Variants in PPAT observed in about 807,000 individuals in gnomAD.
The protein encoded by PPAT is phosphoribosyl pyrophosphate amidotransferase.
PPAT carries 20 observed loss-of-function variants against 60.2 expected under a neutral mutation model. The ratio of observed to expected loss-of-function variants is 0.33; its 90% confidence interval spans 0.23 to 0.48. The LOEUF (loss-of-function observed/expected upper bound fraction) is 0.48, where lower values mean the gene tolerates loss of function less well. Ranked by LOEUF, PPAT falls within the 20% of genes least tolerant of loss-of-function variation. PPAT has a pLI of 0.99. For synonymous variants in PPAT, 194 were observed against 215.1 expected, an observed-to-expected ratio of 0.90 and a Z score of 0.86; for missense variants, 349 against 629.6, an observed-to-expected ratio of 0.55 and a Z score of 4.77.
intron 1 of PPAT, among the ~76,000 whole-genome samples, chr4:56,432,646 G>A (rs1272784809): frequency 2.2e-4 from 33 of 151,568 alleles, no homozygotes; most frequent in African/African-American, 6.1e-4. Context: ...TTAGCCGGGC[G>A]TGGTGGGGGG....
At chr4:56,406,184 G>T (rs1433114708) in intron 3 of PPAT, among the ~76,000 whole-genome samples, 3 of 152,164 alleles carry the variant, frequency 2.0e-5, no homozygotes, top group Non-Finnish European at 2.9e-5. Flanking sequence ...GAGTTAAAGA[G>T]ATAGCAAGTC....
intron 9 of PPAT, among the ~76,000 whole-genome samples, chr4:56,398,801 T>A (rs1475398785): frequency 1.3e-5 from 2 of 152,186 alleles, no homozygotes; most frequent in East Asian, 1.9e-4. Flanking sequence ...TTAGGTTTTT[T>A]AAAATTTAAT....
At chr4:56,433,892 A>C (rs1421686887) in intron 1 of PPAT, among the ~76,000 whole-genome samples, 1 of 152,060 alleles carries the variant, frequency 6.6e-6, no homozygotes, top group Non-Finnish European at 1.5e-5. Context: ...GGGTTTCACC[A>C]TGTTGGCCAG....
Position 56,396,982 on chromosome 4 carries a change from T to C in PPAT, c.1237-243A>G. 3.6e-6 allele frequency: 1 copy of C among 279,864 alleles called. No individual in the cohort carries two copies. Among genetic ancestry groups the C allele is most frequent in the Non-Finnish European group, 6.6e-6 (1 of 151,794 alleles). 17.3% of individuals were successfully genotyped at this position (279,864 alleles called of 1,614,324 possible). ...CATTCCTAGAGCCACTTTTCTCTTG[T>C]AATACCAGGTACTTCTGCTTATCCC... On this transcript the variant is annotated intron_variant, in intron 9 of 10. Transcript: ENST00000264220. The surrounding 1 kb of genome is among the most constrained non-coding windows in gnomAD (Gnocchi z 4.6).
chr4:56,399,248 A>G lies in PPAT; in HGVS notation c.1167T>C (p.Asp389=). ...NFKGKRIVLV[D]DSIVRGNTIS... Reference sequence around the variant, plus strand: ...TGGTATTGCCTCTGACAATTGAATCATCTACAAGAACAATTCTTTTGCCTT... The same window carrying G: ...TGGTATTGCCTCTGACAATTGAATCGTCTACAAGAACAATTCTTTTGCCTT... Residue 389 remains aspartate, a synonymous_variant, in exon 9 of 11, where the codon GAT becomes GAC. Transcript: ENST00000264220. 2 of 1,614,006 alleles carry G rather than the reference A, an allele frequency of 1.2e-6. No individual in the cohort carries two copies. Among genetic ancestry groups the G allele is most frequent in the East Asian group, 2.2e-5 (1 of 44,850 alleles).
rs1715873577 is a variant in PPAT, at chr4:56,393,425, CTTAGT to C, written c.*1922_*1926del. 1 of 151,682 alleles carries C rather than the reference CTTAGT, an allele frequency of 6.6e-6. No homozygotes were observed. The highest frequency in any genetic ancestry group is 2.1e-4 in the South Asian group (1 of 4,822). 9.4% of individuals were successfully genotyped at this position (151,682 alleles called of 1,614,324 possible). A position where few individuals can be genotyped will look rare whatever the true frequency, so the allele number is the denominator to read the frequency against. On this transcript the variant is annotated 3_prime_UTR_variant, in exon 11 of 11. Coordinates refer to ENST00000264220, the MANE Select transcript of PPAT (RefSeq NM_002703.5). ...TCACAAATAAGTCACAAAAAGTAGGCTTAGTTTAGTTCACAATATAAATCCCGTGA... is the reference window on the plus strand; with the variant it reads ...TCACAAATAAGTCACAAAAAGTAGGCTTAGTTCACAATATAAATCCCGTGA...
At chr4:56,414,551 C>CT (rs1716623931) in intron 1 of PPAT, among the ~76,000 whole-genome samples, 1 of 152,174 alleles carries the variant, frequency 6.6e-6, no homozygotes, top group Non-Finnish European at 1.5e-5. Context: ...TGATTTAAGA[C>CT]TTTCACTTTA....
chr4:56,416,731 G>C (rs964148310), intron 1 of PPAT, among the ~76,000 whole-genome samples: 37 of 152,208 alleles, frequency 2.4e-4, no homozygotes, highest in African/African-American at 8.4e-4. Context: ...TCACTTTAGT[G>C]TTGAGGCAAG....
intron 1 of PPAT, chr4:56,416,406 T>C: frequency 1.1e-6 from 1 of 891,138 alleles, no homozygotes; most frequent in Non-Finnish European, 1.3e-6. Context: ...AATCCTTTAC[T>C]TCTGGTTTCT....
At chr4:56,430,800 A>C (rs1717544340) in intron 1 of PPAT, among the ~76,000 whole-genome samples, 1 of 151,902 alleles carries the variant, frequency 6.6e-6, no homozygotes, top group Admixed American at 6.5e-5. Flanking sequence ...CTAGGCCAAC[A>C]GATGAGGAAA....
chr4:56,406,862 C>A (rs1716254907), intron 2 of PPAT, among the ~76,000 whole-genome samples, 161 bp from the exon 3 acceptor site: 1 of 152,054 alleles, frequency 6.6e-6, no homozygotes, highest in South Asian at 2.1e-4. Flanking sequence ...AAACAAATAA[C>A]CTAATTGTAA....
In PPAT at chr4:56,400,970, T is replaced by G; in HGVS notation, c.887-59A>C. 3 of 1,504,370 alleles carry G rather than the reference T, an allele frequency of 2.0e-6. No homozygotes were observed. The South Asian group carries it at 3.6e-5, about 18-fold the overall frequency. 93.2% of individuals were successfully genotyped at this position (1,504,370 alleles called of 1,614,324 possible). A position where few individuals can be genotyped will look rare whatever the true frequency, so the allele number is the denominator to read the frequency against. The stretch of plus-strand genomic sequence containing the variant: ...TACTTAGCATGATATAACAGTGTTA[T>G]TCTAAAAAACTAGTGCTAGAATTCT... On this transcript the variant is annotated intron_variant, in intron 7 of 10. Coordinates refer to ENST00000264220, the MANE Select transcript of PPAT (RefSeq NM_002703.5).
At chr4:56,424,660 A>G (rs1717201693) in intron 1 of PPAT, among the ~76,000 whole-genome samples, 1 of 152,250 alleles carries the variant, frequency 6.6e-6, no homozygotes. Flanking sequence ...TCTGAAGCAT[A>G]AGCGAGAGAG....
At chr4:56,409,084 T>G (rs916252747) in intron 1 of PPAT, among the ~76,000 whole-genome samples, 1 of 152,230 alleles carries the variant, frequency 6.6e-6, no homozygotes, top group Non-Finnish European at 1.5e-5. Flanking sequence ...TAAATTAGAT[T>G]CTGATCCTTT....
In PPAT at chr4:56,400,817, A is replaced by C; in HGVS notation, c.981T>G (p.Ser327=). ...CGTAAGCAAGAGCAGCAGGCGTAGC[A>C]GATTCTGGAACAGTGCTAACCAAAT... The part of the protein sequence containing the change: ...DADLVSTVPE[S]ATPAALAYAG... Residue 327 remains serine (S), a synonymous_variant, in exon 8 of 11, where the codon TCT becomes TCG. Transcript: ENST00000264220. 1 of 1,613,954 alleles carries C rather than the reference A, an allele frequency of 6.2e-7. No individual in the cohort carries two copies. Among genetic ancestry groups the C allele is most frequent in the East Asian group, 2.2e-5 (1 of 44,876 alleles).
At chr4:56,431,921 A>G (rs1717603613) in intron 1 of PPAT, among the ~76,000 whole-genome samples, 1 of 152,232 alleles carries the variant, frequency 6.6e-6, no homozygotes, top group African/African-American at 2.4e-5. Flanking sequence ...ATGCATGCAC[A>G]GTTTACAGCT....
In PPAT at chr4:56,407,701, A is replaced by G. The variant is rs1366342721; in HGVS notation, c.144T>C (p.Ala48=). The change falls in exon 2 of 11, where the codon GCT becomes GCC. Residue 48 remains alanine, a synonymous_variant. Transcript: ENST00000264220. The part of the protein sequence containing the change: ...VGLQHRGQES[A]GIVTSDGSSV... ...AACTCCCATCACTAGTCACAATACCAGCACTCTCCTGACCCCTGTGAATAT... is the reference window on the plus strand; with the variant it reads ...AACTCCCATCACTAGTCACAATACCGGCACTCTCCTGACCCCTGTGAATAT... The G allele has an allele frequency of 1.9e-6, 3 of 1,604,144 alleles. No homozygotes were observed. The highest frequency in any genetic ancestry group is 3.3e-5 in the Admixed American group (2 of 60,026).
Position 56,403,414 on chromosome 4 carries a change from A to G in PPAT, c.403-13T>C, listed in dbSNP as rs1716167226. On this transcript the variant is annotated splice_polypyrimidine_tract_variant and intron_variant, in intron 3 of 10. Coordinates refer to ENST00000264220, the MANE Select transcript of PPAT (RefSeq NM_002703.5). ...CATGACGCAGAAGCTATATAGAAAA[A>G]AAGAGAAGTTTAATCATCAGAGGGG... 6.3e-7 allele frequency: 1 copy of G among 1,581,040 alleles called. No homozygotes were observed. The highest frequency in any genetic ancestry group is 8.7e-7 in the Non-Finnish European group (1 of 1,155,692).
At chr4:56,399,880 T>G (rs3796540) in intron 8 of PPAT, 12,422 of 153,426 alleles carry the variant, frequency 0.081, 687 homozygotes, top group East Asian at 0.25. Context: ...TATTGGATGT[T>G]ATACCCCAGG....
Sources: gnomAD v4.1 joint callset for allele counts (sites outside exome capture counted in the v4.1 genomes callset) on GRCh38, gnomAD v4.1.1 for gene constraint, Gnocchi (gnomAD v3.1) non-coding constraint, MANE v1.5 for transcripts, NCBI Gene and HGNC (gene_info 2026-07-23, HGNC 2026-07-21) for gene names.